SHANK2: variants seen among roughly 807,000 people sequenced by gnomAD.
SHANK2 encodes SH3 and multiple ankyrin repeat domains protein 2.
SHANK2 carries 43 observed loss-of-function variants against 133.7 expected under a neutral mutation model. The ratio of observed to expected loss-of-function variants is 0.32; its 90% CI spans 0.25 to 0.41. SHANK2 has a LOEUF of 0.41. Among genes scored for constraint, SHANK2 ranks in the 10% least tolerant of loss-of-function variants. SHANK2 has a pLI of 1.00. For synonymous variants in SHANK2, 1,017 were observed against 952.8 expected, an observed-to-expected ratio of 1.07 and a Z score of -1.24; for missense variants, 1,994 against 2,235.8, an observed-to-expected ratio of 0.89 and a Z score of 2.18.
chr11:70,504,626 C>G lies in SHANK2; in HGVS notation c.2062-1695G>C, dbSNP rs142002538. Among the ~76,000 whole-genome samples, 4 of 152,302 alleles carry G rather than the reference C, an allele frequency of 2.6e-5. No individual in the cohort carries two copies. The East Asian group carries it at 7.7e-4, about 29-fold the overall frequency. ...TGCCCTGAAGATAGAGTCTTGGGAG[C>G]AGGACTATCCTAATGGGGCCTTGGG... On this transcript the variant is annotated intron_variant, in intron 17 of 25. Coordinates refer to ENST00000601538, the MANE Select transcript of SHANK2 (RefSeq NM_012309.5).
intron 11 of SHANK2, among the ~76,000 whole-genome samples, chr11:70,890,105 G>T (rs1949816437): frequency 6.6e-6 from 1 of 152,096 alleles, no homozygotes; most frequent in Admixed American, 6.6e-5. Flanking sequence ...GGGACAGAGG[G>T]ACATTATCTT....
At chr11:70,533,637 C>T (rs7104874) in intron 17 of SHANK2, among the ~76,000 whole-genome samples, 147,922 of 152,198 alleles carry the variant, frequency 0.97, 72,035 homozygotes, top group East Asian at 1. Flanking sequence ...ATGCATATTT[C>T]TTTAATTGAG....
At chr11:70,699,878 T>C (rs1945481566) in intron 14 of SHANK2, among the ~76,000 whole-genome samples, 1 of 152,192 alleles carries the variant, frequency 6.6e-6, no homozygotes, top group African/African-American at 2.4e-5. Context: ...ACGTGACTAG[T>C]TCTCACCACT....
chr11:70,905,997 G>A (rs1207105396), intron 10 of SHANK2, among the ~76,000 whole-genome samples: 1 of 152,030 alleles, frequency 6.6e-6, no homozygotes, highest in Non-Finnish European at 1.5e-5. Context: ...ATTTTTAGTA[G>A]AGACAGGGTT....
Position 71,175,308 on chromosome 11 carries a change from A to T in SHANK2, c.-12-27970T>A, listed in dbSNP as rs1953407878. On this transcript the variant is annotated intron_variant, in intron 2 of 25. Coordinates refer to ENST00000601538, the MANE Select transcript of SHANK2 (RefSeq NM_012309.5). This position sits in a 1 kb window ranked among gnomAD's most constrained non-coding sequence, Gnocchi z 4.2. ...ACAGCTGAGCATGACAGGTCGCCCCAGGAAATGCAAAGCTGATGAAACCTG... is the reference window on the plus strand; with the variant it reads ...ACAGCTGAGCATGACAGGTCGCCCCTGGAAATGCAAAGCTGATGAAACCTG... 6.6e-6 allele frequency among the ~76,000 whole-genome samples: 1 copy of T among 152,190 alleles called. No homozygotes were observed. The highest frequency in any genetic ancestry group is 2.1e-4 in the South Asian group (1 of 4,832).
In SHANK2 at chr11:70,782,125, TG is replaced by T. The variant is rs1454736559; in HGVS notation, c.1777+16317del. On this transcript the variant is annotated intron_variant, in intron 14 of 25. Coordinates refer to ENST00000601538, the MANE Select transcript of SHANK2 (RefSeq NM_012309.5). ...TGTTGCCCAGGCTGGAGTGCAGTGG[TG>T]TGATCTCGGCTCACTGCAACCTCTG... Among the ~76,000 whole-genome samples, 5 of 152,170 alleles carry T rather than the reference TG, an allele frequency of 3.3e-5. No individual in the cohort carries two copies. In the East Asian group the frequency reaches 9.6e-4, roughly 29 times the overall value.
intron 17 of SHANK2, among the ~76,000 whole-genome samples, chr11:70,600,290 A>G (rs1011281740): frequency 2.0e-5 from 3 of 151,466 alleles, no homozygotes; most frequent in Non-Finnish European, 2.9e-5. Flanking sequence ...GCGGTGGTGC[A>G]AACCTGTAAT....
Position 70,500,467 on chromosome 11 carries a change from G to A in SHANK2, c.2308+103C>T. 2 of 1,497,070 alleles carry A rather than the reference G, an allele frequency of 1.3e-6. No homozygotes were observed. Among genetic ancestry groups the A allele is most frequent in the Non-Finnish European group, 1.8e-6 (2 of 1,097,606 alleles). The allele number at this position is 1,497,070 out of a possible 1,614,324, so 92.7% of individuals were successfully genotyped here. On this transcript the variant is annotated intron_variant, in intron 21 of 25. Transcript: ENST00000601538. This position sits in a 1 kb window ranked among gnomAD's most constrained non-coding sequence, Gnocchi z 4.5. ...AGGACCCAGCAGGAGAAGCCAACAA[G>A]GCTTTGCGACACATTTGAGACTTCA...
intron 6 of SHANK2, among the ~76,000 whole-genome samples, chr11:71,100,773 A>C (rs1218347754): frequency 2.0e-5 from 3 of 151,866 alleles, no homozygotes; most frequent in Non-Finnish European, 2.9e-5. Context: ...AGGCTGAGGC[A>C]GGAGAATTGC....
chr11:70,809,955 C>T (rs940349996), intron 12 of SHANK2, among the ~76,000 whole-genome samples: 2 of 152,218 alleles, frequency 1.3e-5, no homozygotes, highest in African/African-American at 4.8e-5. Flanking sequence ...GCTGTCACTG[C>T]CATGCAGCCT....
intron 11 of SHANK2, among the ~76,000 whole-genome samples, chr11:70,824,298 G>T (rs184122274): frequency 6.1e-4 from 93 of 152,268 alleles, no homozygotes; most frequent in African/African-American, 2.1e-3. Context: ...GACACACTTG[G>T]ACGTCAGTGC....
At chr11:70,907,018 C>G (rs1950114399) in intron 10 of SHANK2, among the ~76,000 whole-genome samples, 1 of 152,228 alleles carries the variant, frequency 6.6e-6, no homozygotes, top group African/African-American at 2.4e-5. Context: ...GACTTTACAT[C>G]TAACTTGACA....
At chr11:70,884,056 G>A (rs1264118694) in intron 11 of SHANK2, among the ~76,000 whole-genome samples, 2 of 152,232 alleles carry the variant, frequency 1.3e-5, no homozygotes, top group Non-Finnish European at 2.9e-5. Flanking sequence ...GGGCAAGGGA[G>A]GAACTTTCTG....
At chr11:70,933,899 CAA>C (rs35735097) in intron 10 of SHANK2, among the ~76,000 whole-genome samples, 31,426 of 123,818 alleles carry the variant, frequency 0.25, 3,988 homozygotes, top group Non-Finnish European at 0.32. Flanking sequence ...GACTGTGTCT[CAA>C]AAAAAAAAAA....
intron 11 of SHANK2, among the ~76,000 whole-genome samples, chr11:70,857,850 C>T (rs1289355806): frequency 6.6e-6 from 1 of 152,192 alleles, no homozygotes; most frequent in Non-Finnish European, 1.5e-5. Flanking sequence ...CCATGAGTCA[C>T]ACACCATGTT....
intron 6 of SHANK2, 116 bp from the exon 7 acceptor site, chr11:71,094,804 G>A (rs542890228): frequency 1.7e-6 from 2 of 1,153,028 alleles, no homozygotes; most frequent in Non-Finnish European, 1.2e-6. Context: ...CCACCTCCAG[G>A]GTGTTTACAG....
intron 15 of SHANK2, among the ~76,000 whole-genome samples, chr11:70,662,393 C>T (rs1944577569): frequency 1.3e-5 from 2 of 152,194 alleles, no homozygotes; most frequent in Admixed American, 1.3e-4. Flanking sequence ...CCCGCGCGAG[C>T]ATCCGCAGGC....
chr11:70,790,957 C>T (rs1451479806), intron 14 of SHANK2, among the ~76,000 whole-genome samples: 5 of 152,166 alleles, frequency 3.3e-5, no homozygotes, highest in Non-Finnish European at 7.4e-5. Context: ...TCGAGGATGA[C>T]CAGGCCACAG....
chr11:70,711,478 T>A lies in SHANK2; in HGVS notation c.1778-12715A>T, dbSNP rs1945782629. On this transcript the variant is annotated intron_variant, in intron 14 of 25. Transcript: ENST00000601538. ...GATGAAAGACCGAAATAACTTTTCT[T>A]TTTTAAAACCAAAGATGCTGATGGG... Among the ~76,000 whole-genome samples the A allele has an allele frequency of 2.0e-5, 3 of 152,258 alleles. No individual in the cohort carries two copies. In the South Asian group the frequency reaches 6.2e-4, roughly 31 times the overall value.
Sources: allele counts gnomAD v4.1 joint callset (sites outside exome capture counted in the v4.1 genomes callset), GRCh38; gene constraint gnomAD v4.1.1; non-coding constraint Gnocchi (gnomAD v3.1); transcripts MANE v1.5; gene names NCBI Gene and HGNC (gene_info 2026-07-23, HGNC 2026-07-21).